Variants in PELI2 observed in about 807,000 individuals in gnomAD.
PELI2 encodes the protein E3 ubiquitin-protein ligase pellino homolog 2.
Under a neutral mutation model 42.3 loss-of-function variants are expected in PELI2, and 23 were observed. The ratio of observed to expected loss-of-function variants is 0.54; its 90% confidence interval spans 0.39 to 0.77. The LOEUF (loss-of-function observed/expected upper bound fraction) is 0.77, where lower values mean the gene tolerates loss of function less well. PELI2 is among the 30% of genes least tolerant of loss of function. The probability of loss-of-function intolerance (pLI) is 0.00; values close to 1 mark genes in which losing one functional copy is unlikely to be tolerated. For synonymous variants in PELI2, 245 were observed against 212.2 expected (o/e 1.15, Z -1.34); for missense variants, 463 against 553.2 (o/e 0.84, Z 1.64).
intron 1 of PELI2, among the ~76,000 whole-genome samples, chr14:56,163,587 T>A (rs1884844247): frequency 6.6e-6 from 1 of 150,662 alleles, no homozygotes; most frequent in South Asian, 2.1e-4. Flanking sequence ...CTTTTTAGGA[T>A]TTTTTTTTTC....
intron 2 of PELI2, among the ~76,000 whole-genome samples, chr14:56,216,931 A>G (rs562567806): frequency 6.6e-6 from 1 of 152,360 alleles, no homozygotes; most frequent in South Asian, 2.1e-4. Context: ...ATAATTCAAG[A>G]ATTTAATCAT....
chr14:56,286,622 A>T (rs1166317204), intron 3 of PELI2, among the ~76,000 whole-genome samples: 1 of 152,238 alleles, frequency 6.6e-6, no homozygotes, highest in East Asian at 1.9e-4. Flanking sequence ...GCTTGTGTGC[A>T]TGACTGCCTT....
At chr14:56,220,338 G>A (rs183319506) in intron 2 of PELI2, among the ~76,000 whole-genome samples, 3 of 152,196 alleles carry the variant, frequency 2.0e-5, no homozygotes, top group South Asian at 2.1e-4. Flanking sequence ...CAATCTGGCC[G>A]GAAGCTAGTA....
intron 2 of PELI2, among the ~76,000 whole-genome samples, chr14:56,212,368 C>T (rs1311543371): frequency 6.6e-6 from 1 of 152,212 alleles, no homozygotes; most frequent in African/African-American, 2.4e-5. Flanking sequence ...CCTGCCAGGG[C>T]TGACTTTCAG....
At chr14:56,235,344 G>A (rs1408855842) in intron 2 of PELI2, among the ~76,000 whole-genome samples, 2 of 152,214 alleles carry the variant, frequency 1.3e-5, no homozygotes, top group African/African-American at 2.4e-5. Flanking sequence ...AAAATTTGGG[G>A]ACTTCCAGAG....
chr14:56,144,531 A>C (rs1884038202), intron 1 of PELI2, among the ~76,000 whole-genome samples: 3 of 152,226 alleles, frequency 2.0e-5, no homozygotes, highest in Non-Finnish European at 4.4e-5. Context: ...TAACATCTAC[A>C]AGATACCTTC....
intron 2 of PELI2, among the ~76,000 whole-genome samples, chr14:56,245,934 C>A (rs1888136337): frequency 6.6e-6 from 1 of 152,148 alleles, no homozygotes. Context: ...ATGTAAGAGA[C>A]TTGAGCATCC....
At chr14:56,283,571 A>G (rs1195001312) in intron 3 of PELI2, among the ~76,000 whole-genome samples, 7 of 152,190 alleles carry the variant, frequency 4.6e-5, no homozygotes, top group East Asian at 1.9e-4. Flanking sequence ...GGGTTCATCA[A>G]CCACATGCTG....
At chr14:56,144,338 A>G (rs1884031835) in intron 1 of PELI2, among the ~76,000 whole-genome samples, 1 of 152,246 alleles carries the variant, frequency 6.6e-6, no homozygotes, top group Admixed American at 6.5e-5. Flanking sequence ...AAATCCATAG[A>G]GCAGTCTGCC....
At chr14:56,140,046 T>G (rs886800962) in intron 1 of PELI2, among the ~76,000 whole-genome samples, 1 of 151,984 alleles carries the variant, frequency 6.6e-6, no homozygotes, top group Non-Finnish European at 1.5e-5. Context: ...TTTCCTGCCT[T>G]GTTAACGTCT....
chr14:56,223,529 G>C (rs1887225960), intron 2 of PELI2, among the ~76,000 whole-genome samples: 1 of 152,286 alleles, frequency 6.6e-6, no homozygotes, highest in South Asian at 2.1e-4. Flanking sequence ...GCAGAAAAAG[G>C]CCACAATTGT....
At chr14:56,198,686 G>C (rs867545599) in intron 2 of PELI2, among the ~76,000 whole-genome samples, 1 of 152,158 alleles carries the variant, frequency 6.6e-6, no homozygotes, top group Non-Finnish European at 1.5e-5. Flanking sequence ...ATGGGGAGTA[G>C]CAAAACTAGG....
chr14:56,269,257 G>A (rs552197526), intron 2 of PELI2, among the ~76,000 whole-genome samples: 51 of 152,018 alleles, frequency 3.4e-4, no homozygotes, highest in African/African-American at 1.1e-3. Flanking sequence ...CCTGGCCAAC[G>A]TGGAGAAAAC....
chr14:56,201,560 G>A (rs535795642), intron 2 of PELI2, among the ~76,000 whole-genome samples: 1 of 152,204 alleles, frequency 6.6e-6, no homozygotes, highest in East Asian at 1.9e-4. Context: ...TATTTTTGAG[G>A]AAATATTTTT....
chr14:56,184,539 T>C (rs1885700062), intron 2 of PELI2, among the ~76,000 whole-genome samples: 1 of 151,982 alleles, frequency 6.6e-6, no homozygotes, highest in Non-Finnish European at 1.5e-5. Context: ...CAAAGCACCA[T>C]AGATTGAAGG....
intron 1 of PELI2, chr14:56,119,642 A>T: frequency 3.0e-6 from 1 of 334,156 alleles, no homozygotes; most frequent in Non-Finnish European, 4.3e-6. Flanking sequence ...GTTTACCCTT[A>T]ATAAGCCAGG....
intron 2 of PELI2, among the ~76,000 whole-genome samples, chr14:56,211,421 C>T (rs1410406472): frequency 2.0e-5 from 3 of 152,212 alleles, no homozygotes; most frequent in African/African-American, 7.2e-5. Context: ...CCACTCCCCT[C>T]CCCCATCATG....
chr14:56,132,258 T>G (rs1883515278), intron 1 of PELI2, among the ~76,000 whole-genome samples: 1 of 152,226 alleles, frequency 6.6e-6, no homozygotes, highest in African/African-American at 2.4e-5. Flanking sequence ...AGGTCTCAGA[T>G]TCTAAAGCTC....
intron 1 of PELI2, among the ~76,000 whole-genome samples, chr14:56,158,213 A>G (rs1324995587): frequency 6.6e-6 from 1 of 151,758 alleles, no homozygotes; most frequent in Non-Finnish European, 1.5e-5. Context: ...TTTTTAGTAG[A>G]GACGGGGTTT....
Sources: gnomAD v4.1 joint callset for allele counts (sites outside exome capture counted in the v4.1 genomes callset) on GRCh38, gnomAD v4.1.1 for gene constraint, MANE v1.5 for transcripts, NCBI Gene and HGNC (gene_info 2026-07-23, HGNC 2026-07-21) for gene names.